Variants in TMEM232 observed in about 807,000 individuals in gnomAD.
The protein encoded by TMEM232 is transmembrane protein 232.
Under a neutral mutation model 78.8 loss-of-function variants are expected in TMEM232, and 80 were observed. The observed-to-expected ratio is 1.01, with a 90% CI of 0.85 to 1.22. TMEM232 has a LOEUF of 1.22. Ranked by LOEUF, TMEM232 falls within the 50% of genes most tolerant of loss-of-function variation. TMEM232 has a pLI of 0.00. For synonymous variants in TMEM232, 297 were observed against 254.3 expected (o/e 1.17, Z -1.60); for missense variants, 881 against 742.2 (o/e 1.19, Z -2.17).
At chr5:110,631,214 G>C (rs1314396462) in intron 5 of TMEM232, among the ~76,000 whole-genome samples, 1 of 152,152 alleles carries the variant, frequency 6.6e-6, no homozygotes, top group African/African-American at 2.4e-5. Context: ...AAAAGAGATG[G>C]TGCAGCGCAT....
intron 10 of TMEM232, among the ~76,000 whole-genome samples, chr5:110,594,621 G>A (rs576326644): frequency 6.6e-6 from 1 of 152,254 alleles, no homozygotes; most frequent in African/African-American, 2.4e-5. Flanking sequence ...CTTCATGCGG[G>A]AAGGGGCTTC....
chr5:110,448,403 C>A (rs1477514736), intron 12 of TMEM232, among the ~76,000 whole-genome samples: 1 of 151,982 alleles, frequency 6.6e-6, no homozygotes, highest in East Asian at 1.9e-4. Context: ...ACCTTAAACC[C>A]TTTAAGAGCA....
At chr5:110,496,776 G>A (rs998914606) in intron 12 of TMEM232, among the ~76,000 whole-genome samples, 4 of 151,864 alleles carry the variant, frequency 2.6e-5, no homozygotes, top group Admixed American at 6.6e-5. Flanking sequence ...GAGGCCATCT[G>A]ATACTGCCAA....
intron 12 of TMEM232, among the ~76,000 whole-genome samples, 178 bp downstream of exon 12, chr5:110,528,410 G>C (rs1159806369): frequency 6.6e-6 from 1 of 151,792 alleles, no homozygotes; most frequent in Non-Finnish European, 1.5e-5. Context: ...TATGAAAAAA[G>C]AGTTTCTGAG....
intron 8 of TMEM232, among the ~76,000 whole-genome samples, chr5:110,609,909 G>C (rs1781979077): frequency 6.6e-6 from 1 of 152,000 alleles, no homozygotes; most frequent in African/African-American, 2.4e-5. Flanking sequence ...TACTCAGAGA[G>C]GGTCATAATT....
rs186621628 is a variant in TMEM232 at position 110,614,055 on chromosome 5, C to A, written c.902+4374G>T. ...CTTTTCCTTAAAATAAAAAAAGTAA[C>A]TATATAAAACAGAATCAAAACTATT... On this transcript the variant is annotated intron_variant, in intron 8 of 13. Transcript: ENST00000455884. Among the ~76,000 whole-genome samples the A allele has an allele frequency of 9.7e-3, 1,478 of 151,986 alleles. 32 individuals carry two copies. The highest frequency in any genetic ancestry group is 0.033 in the African/African-American group (1,380 of 41,494).
intron 4 of TMEM232, among the ~76,000 whole-genome samples, chr5:110,638,694 GAA>G (rs1267522587): frequency 2.0e-5 from 3 of 152,090 alleles, no homozygotes; most frequent in Admixed American, 2.0e-4. Flanking sequence ...TGCCATGTAG[GAA>G]GTTCAACTCC....
intron 1 of TMEM232, among the ~76,000 whole-genome samples, chr5:110,711,686 AAGAC>A (rs1331054570): frequency 6.6e-6 from 1 of 152,190 alleles, no homozygotes; most frequent in African/African-American, 2.4e-5. Context: ...CACTGGGTAA[AAGAC>A]AGTCTCTTCA....
intron 1 of TMEM232, among the ~76,000 whole-genome samples, chr5:110,722,023 C>A (rs1209758069): frequency 1.3e-5 from 2 of 151,596 alleles, no homozygotes; most frequent in African/African-American, 4.8e-5. Flanking sequence ...AATTCCAGGG[C>A]AGTATTTTAT....
At position 110,665,891 on chromosome 5, in the gene TMEM232, CAAAAA is replaced by C. The variant is rs775392111; in HGVS notation, c.125+1332_125+1336del. On this transcript the variant is annotated intron_variant, in intron 2 of 13. Coordinates refer to ENST00000455884, the MANE Select transcript of TMEM232 (RefSeq NM_001039763.4). ...GCAACAAAGCATGACCCCATCTCCACAAAAAAAAAAAAAAAAAAAAACTAAAAATT... is the reference window on the plus strand; with the variant it reads ...GCAACAAAGCATGACCCCATCTCCACAAAAAAAAAAAAAAAACTAAAAATT... 2.2e-4 allele frequency among the ~76,000 whole-genome samples: 14 copies of C among 63,810 alleles called. 1 individual carries two copies. Among genetic ancestry groups the C allele is most frequent in the South Asian group, 1.3e-3 (2 of 1,564 alleles). 41.9% of individuals were successfully genotyped at this position (63,810 alleles called of 152,430 possible).
chr5:110,448,261 C>T (rs565074120), intron 12 of TMEM232, among the ~76,000 whole-genome samples: 35 of 151,910 alleles, frequency 2.3e-4, no homozygotes, highest in Admixed American at 7.9e-4. Context: ...AATAAATTAC[C>T]CTCCTTATAC....
At chr5:110,598,442 A>T (rs1183387163) in intron 10 of TMEM232, among the ~76,000 whole-genome samples, 2 of 152,150 alleles carry the variant, frequency 1.3e-5, no homozygotes, top group East Asian at 3.9e-4. Flanking sequence ...CCATTGTGGA[A>T]GTCAGTGTGG....
At chr5:110,736,709 A>G (rs1469079377) in intron 1 of TMEM232, among the ~76,000 whole-genome samples, 1 of 152,026 alleles carries the variant, frequency 6.6e-6, no homozygotes, top group Non-Finnish European at 1.5e-5. Context: ...ATACAGAGCC[A>G]GGTGGATTCC....
At chr5:110,512,598 C>A (rs139310002) in intron 12 of TMEM232, among the ~76,000 whole-genome samples, 1 of 152,146 alleles carries the variant, frequency 6.6e-6, no homozygotes, top group Admixed American at 6.5e-5. Context: ...CCCTGACAGG[C>A]GGACAGAAAT....
At chr5:110,594,787 AG>A (rs1779951655) in intron 10 of TMEM232, among the ~76,000 whole-genome samples, 1 of 152,226 alleles carries the variant, frequency 6.6e-6, no homozygotes, top group Non-Finnish European at 1.5e-5. Context: ...AGCCCCAGTC[AG>A]GGGCTTATAG....
At chr5:110,652,294 G>GCGCGCACATACACACACACACACA (rs1554069154) in intron 2 of TMEM232, among the ~76,000 whole-genome samples, 2 of 145,360 alleles carry the variant, frequency 1.4e-5, no homozygotes, top group African/African-American at 5.2e-5. Context: ...GCACGCGCGC[G>GCGCGCACATACACACACACACACA]CACACACACA....
chr5:110,561,618 T>C (rs1775758581), intron 11 of TMEM232, among the ~76,000 whole-genome samples: 1 of 152,108 alleles, frequency 6.6e-6, no homozygotes, highest in Non-Finnish European at 1.5e-5. Context: ...CCCTTTTGTA[T>C]GTAAAAATAT....
chr5:110,509,707 A>C (rs557219531), intron 12 of TMEM232, among the ~76,000 whole-genome samples: 5 of 152,246 alleles, frequency 3.3e-5, no homozygotes, highest in African/African-American at 1.2e-4. Context: ...GGTTTCTACT[A>C]TAAGTTCTTT....
intron 12 of TMEM232, among the ~76,000 whole-genome samples, chr5:110,467,824 A>C (rs1055247255): frequency 5.3e-5 from 8 of 152,114 alleles, no homozygotes; most frequent in African/African-American, 1.7e-4. Flanking sequence ...TCTGTGAGCT[A>C]TAAGAGAGAA....
Sources: gnomAD v4.1 joint callset for allele counts (sites outside exome capture counted in the v4.1 genomes callset) on GRCh38, gnomAD v4.1.1 for gene constraint, MANE v1.5 for transcripts, NCBI Gene and HGNC (gene_info 2026-07-23, HGNC 2026-07-21) for gene names.